SNTG2: variants seen among roughly 807,000 people sequenced by gnomAD.
SNTG2 encodes gamma-2-syntrophin.
A neutral mutation model predicts 70.9 loss-of-function variants in SNTG2; 74 were observed. The ratio of observed to expected loss-of-function variants is 1.04; its 90% CI spans 0.86 to 1.27. The LOEUF is 1.27. Ranked by LOEUF, SNTG2 falls within the 50% of genes most tolerant of loss-of-function variation. The pLI, the probability that SNTG2 is intolerant of heterozygous loss-of-function variation, is 0.00. For synonymous variants in SNTG2, 278 were observed against 273.8 expected (o/e 1.02, Z -0.15); for missense variants, 717 against 690.7 (o/e 1.04, Z -0.43).
intron 8 of SNTG2, among the ~76,000 whole-genome samples, chr2:1,174,388 T>C (rs1204177622): frequency 6.6e-6 from 1 of 152,276 alleles, no homozygotes; most frequent in East Asian, 1.9e-4. Context: ...TTACTTACTG[T>C]TTGTTTCTGT....
chr2:1,132,085 A>G (rs1668054776), intron 4 of SNTG2, among the ~76,000 whole-genome samples: 1 of 152,234 alleles, frequency 6.6e-6, no homozygotes, highest in African/African-American at 2.4e-5. Flanking sequence ...AGTCTCTGCT[A>G]CATTGTTTTA....
intron 1 of SNTG2, among the ~76,000 whole-genome samples, chr2:1,057,110 C>T (rs114836370): frequency 0.024 from 3,598 of 152,086 alleles, 63 homozygotes; most frequent in Middle Eastern, 0.085. Flanking sequence ...TGGGGCCAGG[C>T]CTGTCCTGCA....
intron 13 of SNTG2, among the ~76,000 whole-genome samples, chr2:1,260,749 T>C (rs1002332006): frequency 6.6e-6 from 1 of 152,218 alleles, no homozygotes; most frequent in Non-Finnish European, 1.5e-5. Context: ...GTAGATGATA[T>C]GCAGGTCATT....
intron 4 of SNTG2, among the ~76,000 whole-genome samples, chr2:1,101,649 A>C (rs994638443): frequency 1.3e-5 from 2 of 152,096 alleles, no homozygotes; most frequent in African/African-American, 4.8e-5. Context: ...AGCCCAGGAG[A>C]GCATACCCTC....
At chr2:1,062,389 G>C (rs1662880978) in intron 1 of SNTG2, among the ~76,000 whole-genome samples, 1 of 152,164 alleles carries the variant, frequency 6.6e-6, no homozygotes, top group Non-Finnish European at 1.5e-5. Flanking sequence ...GAATGAAGTG[G>C]GGGCTATATT....
intron 7 of SNTG2, among the ~76,000 whole-genome samples, chr2:1,170,951 A>G (rs1316155338): frequency 6.6e-6 from 1 of 152,050 alleles, no homozygotes; most frequent in Non-Finnish European, 1.5e-5. Flanking sequence ...CAGCCGCACC[A>G]TTTTACATTC....
intron 16 of SNTG2, among the ~76,000 whole-genome samples, chr2:1,349,328 G>T (rs548759540): frequency 6.6e-6 from 1 of 152,230 alleles, no homozygotes; most frequent in East Asian, 1.9e-4. Context: ...AATTAGGGAA[G>T]TTACAAGTCT....
intron 8 of SNTG2, among the ~76,000 whole-genome samples, chr2:1,181,407 T>G (rs761302933): frequency 3.9e-5 from 6 of 152,192 alleles, no homozygotes; most frequent in South Asian, 2.1e-4. Flanking sequence ...GTTGCTTTGT[T>G]GGCTGCATTT....
intron 16 of SNTG2, among the ~76,000 whole-genome samples, chr2:1,360,651 C>A (rs1418164630): frequency 1.8e-4 from 27 of 150,910 alleles, no homozygotes; most frequent in African/African-American, 2.7e-4. Context: ...CACAAACAAA[C>A]AAAAAAAAAG....
intron 10 of SNTG2, among the ~76,000 whole-genome samples, chr2:1,239,301 T>C (rs28367531): frequency 0.096 from 14,669 of 152,200 alleles, 789 homozygotes; most frequent in South Asian, 0.15. Context: ...ATTCTGCACC[T>C]CCACTTCCTC....
At chr2:1,273,053 G>A (rs978324571) in intron 14 of SNTG2, among the ~76,000 whole-genome samples, 1 of 152,166 alleles carries the variant, frequency 6.6e-6, no homozygotes, top group African/African-American at 2.4e-5. Flanking sequence ...TAGAGGAGCC[G>A]GTCACGCACG....
intron 14 of SNTG2, among the ~76,000 whole-genome samples, chr2:1,277,486 C>T (rs762966841): frequency 5.3e-5 from 8 of 152,212 alleles, no homozygotes; most frequent in Non-Finnish European, 8.8e-5. Context: ...TATATTACTT[C>T]TTAGACATAA....
chr2:992,311 T>A (rs758601829), intron 1 of SNTG2, among the ~76,000 whole-genome samples: 2 of 152,122 alleles, frequency 1.3e-5, no homozygotes, highest in Non-Finnish European at 2.9e-5. Context: ...AGATAGTGGA[T>A]AGTAGGTACA....
chr2:1,054,968 T>C (rs6716393), intron 1 of SNTG2, among the ~76,000 whole-genome samples: 123,818 of 151,842 alleles, frequency 0.82, 51,109 homozygotes, highest in Middle Eastern at 0.91. Context: ...TTTTTCCCTA[T>C]TGATTCCTTT....
chr2:1,318,387 A>G (rs1392089927), intron 16 of SNTG2, among the ~76,000 whole-genome samples: 1 of 152,218 alleles, frequency 6.6e-6, no homozygotes, highest in Non-Finnish European at 1.5e-5. Context: ...ATTGATCTCA[A>G]TGAAATGACA....
chr2:1,092,149 T>G (rs1481016801), intron 2 of SNTG2, among the ~76,000 whole-genome samples: 1 of 152,228 alleles, frequency 6.6e-6, no homozygotes, highest in Non-Finnish European at 1.5e-5. Flanking sequence ...TGAGTATTTT[T>G]GAAAGTATCT....
At chr2:1,110,874 A>G (rs1454700804) in intron 4 of SNTG2, among the ~76,000 whole-genome samples, 2 of 152,204 alleles carry the variant, frequency 1.3e-5, no homozygotes, top group African/African-American at 4.8e-5. Flanking sequence ...GAGTCCTTCT[A>G]TTTTAGACGG....
At chr2:1,314,954 G>C (rs1266352645) in intron 15 of SNTG2, among the ~76,000 whole-genome samples, 1 of 152,130 alleles carries the variant, frequency 6.6e-6, no homozygotes, top group Non-Finnish European at 1.5e-5. Flanking sequence ...CCTCCCACCA[G>C]GTCCCTCCCA....
At chr2:1,101,753 A>G (rs1373634602) in intron 4 of SNTG2, among the ~76,000 whole-genome samples, 2 of 152,200 alleles carry the variant, frequency 1.3e-5, no homozygotes, top group Non-Finnish European at 2.9e-5. Context: ...TACGGATGCT[A>G]AGAGAAGCTG....
Sources: gnomAD v4.1 joint callset for allele counts (sites outside exome capture counted in the v4.1 genomes callset) on GRCh38, gnomAD v4.1.1 for gene constraint, MANE v1.5 for transcripts, NCBI Gene and HGNC (gene_info 2026-07-23, HGNC 2026-07-21) for gene names.